Variants in PDE10A observed in about 807,000 individuals in gnomAD.
PDE10A encodes cAMP and cAMP-inhibited cGMP 3',5'-cyclic phosphodiesterase 10A.
In PDE10A, 39 loss-of-function variants were observed where a neutral mutation model predicts 97.7. The ratio of observed to expected loss-of-function variants is 0.40; its 90% CI spans 0.31 to 0.52. The LOEUF is 0.52. PDE10A is among the 20% of genes least tolerant of loss of function. PDE10A has a pLI of 0.56. For synonymous variants in PDE10A, 371 were observed against 376.8 expected (o/e 0.98, Z 0.18); for missense variants, 731 against 1,047.8 (o/e 0.70, Z 4.17).
chr6:165,925,812 G>A (rs1277558840), intron 1 of PDE10A, among the ~76,000 whole-genome samples: 1 of 152,142 alleles, frequency 6.6e-6, no homozygotes, highest in African/African-American at 2.4e-5. Flanking sequence ...GCCAGTGGTG[G>A]TCAAACAATG....
At chr6:165,751,584 T>C (rs1444841946) in intron 1 of PDE10A, among the ~76,000 whole-genome samples, 1 of 152,046 alleles carries the variant, frequency 6.6e-6, no homozygotes, top group Non-Finnish European at 1.5e-5. Flanking sequence ...GGACTTCTTT[T>C]CTGGTCACAA....
intron 5 of PDE10A, among the ~76,000 whole-genome samples, chr6:165,442,524 G>A (rs540521769): frequency 4.7e-4 from 71 of 152,278 alleles, no homozygotes; most frequent in African/African-American, 1.5e-3. Flanking sequence ...AGAAGAGGGA[G>A]TGCAAGGCGG....
chr6:165,837,684 T>G (rs1004183958), intron 1 of PDE10A, among the ~76,000 whole-genome samples: 143 of 113,848 alleles, frequency 1.3e-3, no homozygotes, highest in African/African-American at 2.7e-3. Context: ...TTTTTTTTTT[T>G]TGGGGCAGGA....
intron 1 of PDE10A, among the ~76,000 whole-genome samples, chr6:165,844,793 T>C (rs34915231): frequency 0.035 from 5,355 of 152,296 alleles, 113 homozygotes; most frequent in Middle Eastern, 0.051. Flanking sequence ...CCAGCATCAT[T>C]GGGTAGAGGA....
At chr6:165,794,463 T>C (rs558023022) in intron 1 of PDE10A, among the ~76,000 whole-genome samples, 3 of 151,318 alleles carry the variant, frequency 2.0e-5, no homozygotes, top group East Asian at 3.9e-4. Flanking sequence ...CACATGCCCA[T>C]GCATGCACGC....
At chr6:165,602,544 T>C (rs1019969559) in intron 1 of PDE10A, among the ~76,000 whole-genome samples, 1 of 152,176 alleles carries the variant, frequency 6.6e-6, no homozygotes, top group Admixed American at 6.5e-5. Flanking sequence ...GAAGCAGATA[T>C]ACCATGAAGT....
intron 1 of PDE10A, among the ~76,000 whole-genome samples, chr6:165,926,430 C>A (rs1177670571): frequency 6.6e-6 from 1 of 152,188 alleles, no homozygotes; most frequent in Non-Finnish European, 1.5e-5. Context: ...GTGTCCATGT[C>A]TAAATTCTCA....
At chr6:165,793,747 T>C (rs1179427580) in intron 1 of PDE10A, among the ~76,000 whole-genome samples, 1 of 152,246 alleles carries the variant, frequency 6.6e-6, no homozygotes, top group Non-Finnish European at 1.5e-5. Context: ...CCACTTTGCC[T>C]TCGGCTTGTA....
At chr6:165,620,053 C>G (rs1788050211) in intron 1 of PDE10A, among the ~76,000 whole-genome samples, 1 of 151,916 alleles carries the variant, frequency 6.6e-6, no homozygotes, top group African/African-American at 2.4e-5. Context: ...TTTCAAGAAG[C>G]TGAGACCACA....
At chr6:165,619,660 T>C (rs1274765289) in intron 1 of PDE10A, among the ~76,000 whole-genome samples, 4 of 103,296 alleles carry the variant, frequency 3.9e-5, no homozygotes, top group East Asian at 2.2e-4. Context: ...TAGTGTAGTA[T>C]AGTCTAGTGT....
At chr6:165,608,485 T>C (rs1025191047) in intron 1 of PDE10A, among the ~76,000 whole-genome samples, 18 of 152,198 alleles carry the variant, frequency 1.2e-4, no homozygotes, top group Middle Eastern at 3.4e-3. Flanking sequence ...TGTATATGTG[T>C]CACATTTTCT....
chr6:165,373,497 C>T (rs1438575784), intron 18 of PDE10A, among the ~76,000 whole-genome samples: 1 of 152,126 alleles, frequency 6.6e-6, no homozygotes, highest in African/African-American at 2.4e-5. Context: ...TCATGACTGG[C>T]CATCAGAGAA....
intron 18 of PDE10A, among the ~76,000 whole-genome samples, chr6:165,374,318 G>C (rs1267031480): frequency 6.6e-6 from 1 of 151,744 alleles, no homozygotes; most frequent in Non-Finnish European, 1.5e-5. Flanking sequence ...TTCTTTAAAA[G>C]ATCAAAAATT....
chr6:165,934,681 C>T (rs1274972047), intron 1 of PDE10A, among the ~76,000 whole-genome samples: 2 of 152,116 alleles, frequency 1.3e-5, no homozygotes, highest in African/African-American at 4.8e-5. Context: ...GATACTTATC[C>T]AGTTCTTAGG....
At chr6:165,563,261 A>AGGAAGGAG (rs1236130667) in intron 1 of PDE10A, among the ~76,000 whole-genome samples, 1 of 147,418 alleles carries the variant, frequency 6.8e-6, no homozygotes, top group African/African-American at 2.5e-5. Flanking sequence ...GGAGGGAGGG[A>AGGAAGGAG]GGAAGGAGGG....
In PDE10A at chr6:165,692,662, T is replaced by C. The variant is rs145726971; in HGVS notation, c.-614-149094A>G. 2.6e-5 allele frequency among the ~76,000 whole-genome samples: 4 copies of C among 152,340 alleles called. No homozygotes were observed. The East Asian group carries it at 7.7e-4, about 29-fold the overall frequency. On this transcript the variant is annotated intron_variant, in intron 1 of 19. Coordinates refer to the PDE10A transcript ENST00000366882. Reference sequence around the variant, plus strand: ...AAACCCTCAGTCAGAAAGCATTTTCTCGGCAGTAACGCATGCTGTACACAG... The same window carrying C: ...AAACCCTCAGTCAGAAAGCATTTTCCCGGCAGTAACGCATGCTGTACACAG...
At chr6:165,948,416 G>A (rs1783848560) in intron 1 of PDE10A, 1 of 152,316 alleles carries the variant, frequency 6.6e-6, no homozygotes, top group Non-Finnish European at 1.5e-5. Context: ...TGGGTGTGGT[G>A]GGGATGGAGG....
At chr6:165,619,624 G>GTAGTA (rs1457649591) in intron 1 of PDE10A, among the ~76,000 whole-genome samples, 6 of 151,886 alleles carry the variant, frequency 4.0e-5, no homozygotes, top group Admixed American at 1.3e-4. Context: ...CTAGTGTACT[G>GTAGTA]TAGTATAGTG....
At chr6:165,346,764 A>G (rs955492254) in intron 18 of PDE10A, among the ~76,000 whole-genome samples, 1 of 152,208 alleles carries the variant, frequency 6.6e-6, no homozygotes, top group Non-Finnish European at 1.5e-5. Flanking sequence ...CCAAGGATAT[A>G]CTATTTTGTT....
Sources: gnomAD v4.1 joint callset for allele counts (sites outside exome capture counted in the v4.1 genomes callset) on GRCh38, gnomAD v4.1.1 for gene constraint, MANE v1.5 for transcripts, NCBI Gene and HGNC (gene_info 2026-07-23, HGNC 2026-07-21) for gene names.